The following STUM variants were observed in gnomAD, a reference collection of about 807,000 sequenced individuals.
STUM encodes the protein stum, mechanosensory transduction mediator homolog, also known as protein stum homolog.
In STUM, 8 loss-of-function variants were observed where a neutral mutation model predicts 15.3. That is an observed-to-expected ratio of 0.52 (90% confidence interval 0.31 to 0.94). The LOEUF is 0.94. Among genes scored for constraint, STUM ranks in the 40% least tolerant of loss-of-function variants. STUM has a pLI of 0.05. For synonymous variants in STUM, 78 were observed against 88.7 expected (o/e 0.88, Z 0.68); for missense variants, 142 against 204.9 (o/e 0.69, Z 1.87).
In STUM at chr1:226,567,781, C is replaced by A. The variant is rs1667646971; in HGVS notation, c.202+18675C>A. ...AGTGAGCAGGTCACGCATTTGGCAC[C>A]AGATGCTGCCTAATTGAACACCTGA... On this transcript the variant is annotated intron_variant, in intron 1 of 3. Coordinates refer to ENST00000366788, the MANE Select transcript of STUM (RefSeq NM_001003665.4). The surrounding 1 kb of genome is among the most constrained non-coding windows in gnomAD (Gnocchi z 4.5). 1.3e-5 allele frequency among the ~76,000 whole-genome samples: 2 copies of A among 152,188 alleles called. No homozygotes were observed. Among genetic ancestry groups the A allele is most frequent in the Admixed American group, 6.5e-5 (1 of 15,288 alleles).
intron 1 of STUM, among the ~76,000 whole-genome samples, chr1:226,579,697 T>C (rs1231914332): frequency 6.6e-6 from 1 of 150,966 alleles, no homozygotes; most frequent in Non-Finnish European, 1.5e-5. Flanking sequence ...GGTGCAATCA[T>C]AGTTCACTGC....
intron 1 of STUM, among the ~76,000 whole-genome samples, chr1:226,571,785 A>G (rs1025987766): frequency 6.6e-6 from 1 of 152,076 alleles, no homozygotes; most frequent in African/African-American, 2.4e-5. Flanking sequence ...GATTCCAGGC[A>G]TGCACCACCA....
chr1:226,575,411 G>A (rs1428291896), intron 1 of STUM, among the ~76,000 whole-genome samples: 1 of 152,252 alleles, frequency 6.6e-6, no homozygotes, highest in East Asian at 1.9e-4. Context: ...CTGGTCTGAC[G>A]CTCCAGCAGG....
In STUM at chr1:226,583,504, A is replaced by G. The variant is rs1285939522; in HGVS notation, c.203-13298A>G. Among the ~76,000 whole-genome samples the G allele has an allele frequency of 2.6e-5, 4 of 152,184 alleles. No individual in the cohort carries two copies. In the East Asian group the frequency reaches 7.7e-4, roughly 29 times the overall value. On this transcript the variant is annotated intron_variant, in intron 1 of 3. Coordinates refer to ENST00000366788, the MANE Select transcript of STUM (RefSeq NM_001003665.4). ...CTGGGAAGGTACTTTTTGCTAGACA[A>G]GCAAGCACACATGTCTATCCTACAG...
intron 1 of STUM, among the ~76,000 whole-genome samples, chr1:226,589,232 G>A (rs1340298878): frequency 6.6e-6 from 1 of 152,110 alleles, no homozygotes; most frequent in Non-Finnish European, 1.5e-5. Context: ...GAACTCCAAG[G>A]ACACTTCCAG....
chr1:226,576,991 G>A (rs564618084), intron 1 of STUM, among the ~76,000 whole-genome samples: 1 of 152,272 alleles, frequency 6.6e-6, no homozygotes, highest in East Asian at 1.9e-4. Flanking sequence ...AGTGACCACC[G>A]CTGCTCCCTC....
chr1:226,556,289 T>C (rs180885275), intron 1 of STUM, among the ~76,000 whole-genome samples: 106 of 152,354 alleles, frequency 7.0e-4, no homozygotes, highest in African/African-American at 2.4e-3. Flanking sequence ...AACATGCTCC[T>C]ACTGTGTGCC....
chr1:226,590,583 C>T (rs1668069299), intron 1 of STUM, among the ~76,000 whole-genome samples: 1 of 152,166 alleles, frequency 6.6e-6, no homozygotes, highest in Non-Finnish European at 1.5e-5. Flanking sequence ...GGGGTGACCT[C>T]ATTCACTTCC....
At chr1:226,557,030 C>CT (rs1480783569) in intron 1 of STUM, among the ~76,000 whole-genome samples, 6 of 152,150 alleles carry the variant, frequency 3.9e-5, no homozygotes, top group Non-Finnish European at 8.8e-5. Flanking sequence ...GTACGATACT[C>CT]TATTATTAAC....
intron 1 of STUM, among the ~76,000 whole-genome samples, chr1:226,573,635 G>A (rs549756573): frequency 6.6e-6 from 1 of 151,986 alleles, no homozygotes; most frequent in South Asian, 2.1e-4. Context: ...AAAAAGAGGG[G>A]GTTTTATTTA....
Position 226,603,137 on chromosome 1 carries a change from AT to A in STUM, c.*1099del, listed in dbSNP as rs1163841773. 52 of 152,358 alleles carry A rather than the reference AT, an allele frequency of 3.4e-4. No homozygotes were observed. Among genetic ancestry groups the A allele is most frequent in the African/African-American group, 1.3e-3 (52 of 41,574 alleles). 9.4% of individuals were successfully genotyped at this position (152,358 alleles called of 1,614,324 possible). On this transcript the variant is annotated 3_prime_UTR_variant, in exon 4 of 4. Transcript: ENST00000366788. ...ATTTGAGAGCTTTTAGGGTTTCAGA[AT>A]TGCAAGAACAATTGTATGGGGTTGT...
intron 1 of STUM, among the ~76,000 whole-genome samples, chr1:226,588,543 A>G (rs1668034717): frequency 6.6e-6 from 1 of 152,222 alleles, no homozygotes; most frequent in Non-Finnish European, 1.5e-5. Flanking sequence ...GGCCACAGCC[A>G]TATAGGCCCC....
rs1052012722 is a variant in STUM at position 226,604,556 on chromosome 1, T to A, written c.*2516T>A. 1 of 152,176 alleles carries A rather than the reference T, an allele frequency of 6.6e-6. No homozygotes were observed. Among genetic ancestry groups the A allele is most frequent in the African/African-American group, 2.4e-5 (1 of 41,420 alleles). The allele number at this position is 152,176 out of a possible 1,614,324, so 9.4% of individuals were successfully genotyped here. A position where few individuals can be genotyped will look rare whatever the true frequency, so the allele number is the denominator to read the frequency against. The stretch of plus-strand genomic sequence containing the variant: ...GCCCCCGCCCCTCTAAATTAGACCG[T>A]GGTCTCAGCATGATCATCTTCAGTA... On this transcript the variant is annotated 3_prime_UTR_variant, in exon 4 of 4. Coordinates refer to ENST00000366788, the MANE Select transcript of STUM (RefSeq NM_001003665.4). The surrounding 1 kb of genome is among the most constrained non-coding windows in gnomAD (Gnocchi z 4.7).
At chr1:226,581,242 A>G (rs1370240161) in intron 1 of STUM, among the ~76,000 whole-genome samples, 1 of 152,214 alleles carries the variant, frequency 6.6e-6, no homozygotes, top group Non-Finnish European at 1.5e-5. Context: ...ATGAGTAGCT[A>G]AATGCCCAGG....
chr1:226,596,324 G>T (rs909736400), intron 1 of STUM, among the ~76,000 whole-genome samples: 47 of 152,182 alleles, frequency 3.1e-4, no homozygotes, highest in Admixed American at 4.6e-4. Context: ...TGTGTGCTGG[G>T]TGGTCATTTC....
Position 226,561,596 on chromosome 1 carries a change from G to T in STUM, c.202+12490G>T, listed in dbSNP as rs372024155. On this transcript the variant is annotated intron_variant, in intron 1 of 3. Coordinates refer to ENST00000366788, the MANE Select transcript of STUM (RefSeq NM_001003665.4). ...CAGTTATGATGTTACTGAGAAGAGC[G>T]GGGCCACCAACTCTAATTACCCTGT... Among the ~76,000 whole-genome samples, 14 of 152,278 alleles carry T rather than the reference G, an allele frequency of 9.2e-5. No individual in the cohort carries two copies. The South Asian group carries it at 2.9e-3, about 32-fold the overall frequency.
chr1:226,574,268 C>T (rs1317683079), intron 1 of STUM, among the ~76,000 whole-genome samples: 1 of 152,236 alleles, frequency 6.6e-6, no homozygotes, highest in Non-Finnish European at 1.5e-5. Flanking sequence ...ACCCTGGTAA[C>T]CACTGCTTCT....
In STUM at chr1:226,548,966, A is replaced by AC; in HGVS notation, c.67dup (p.Arg23ProfsTer134). 1.4e-6 allele frequency: 2 copies of AC among 1,479,862 alleles called. No individual in the cohort carries two copies. 91.7% of individuals were successfully genotyped at this position (1,479,862 alleles called of 1,614,324 possible). ...GCGGCGGCGGCGGTGGCGGCGGCGG[A>AC]CCCCCGGGGGGCGTCCTCGTCCAGC... On this transcript the variant is annotated frameshift_variant, in exon 1 of 4. Transcript: ENST00000366788. LOFTEE classifies it high-confidence loss of function.
intron 1 of STUM, among the ~76,000 whole-genome samples, chr1:226,563,760 T>C (rs1571796644): frequency 1.3e-5 from 2 of 152,246 alleles, no homozygotes; most frequent in African/African-American, 4.8e-5. Context: ...CCAGTGACTT[T>C]GCCATGCCGA....
Sources: allele counts gnomAD v4.1 joint callset (sites outside exome capture counted in the v4.1 genomes callset), GRCh38; gene constraint gnomAD v4.1.1; non-coding constraint Gnocchi (gnomAD v3.1); transcripts MANE v1.5; gene names NCBI Gene and HGNC (gene_info 2026-07-23, HGNC 2026-07-21).